The following PLGRKT variants were observed in gnomAD, a reference collection of about 807,000 sequenced individuals.
PLGRKT encodes plasminogen receptor (KT).
PLGRKT carries 22 observed loss-of-function variants against 18.5 expected under a neutral mutation model. That is an observed-to-expected ratio of 1.19 (90% confidence interval 0.85 to 1.70). The LOEUF is 1.70. PLGRKT is among the 40% of genes most tolerant of loss of function. The pLI is 0.00. For synonymous variants in PLGRKT, 72 were observed against 52.8 expected, an observed-to-expected ratio of 1.36 and a Z score of -1.58; for missense variants, 235 against 174.4, an observed-to-expected ratio of 1.35 and a Z score of -1.96.
chr9:5,428,614 C>G (rs1053370442), intron 3 of PLGRKT, among the ~76,000 whole-genome samples: 30 of 152,222 alleles, frequency 2.0e-4, no homozygotes, highest in African/African-American at 7.0e-4. Context: ...TCTCCCCTAG[C>G]TGGAGACAGC....
At chr9:5,398,033 C>G (rs1818086920) in intron 3 of PLGRKT, among the ~76,000 whole-genome samples, 2 of 151,936 alleles carry the variant, frequency 1.3e-5, no homozygotes, top group Admixed American at 1.3e-4. Context: ...ATGCATAGAG[C>G]AAAGCCTGAA....
intron 3 of PLGRKT, among the ~76,000 whole-genome samples, chr9:5,378,854 G>A (rs1251489039): frequency 6.6e-6 from 1 of 152,030 alleles, no homozygotes; most frequent in Non-Finnish European, 1.5e-5. Context: ...TAAGGATTAA[G>A]CAATTAAATC....
At chr9:5,364,580 T>C (rs1364166493) in intron 3 of PLGRKT, among the ~76,000 whole-genome samples, 1 of 152,166 alleles carries the variant, frequency 6.6e-6, no homozygotes, top group Non-Finnish European at 1.5e-5. Flanking sequence ...GTGCTACAAA[T>C]GTGTGGCACA....
chr9:5,393,706 T>C (rs1161716263), intron 3 of PLGRKT, among the ~76,000 whole-genome samples: 1 of 151,932 alleles, frequency 6.6e-6, no homozygotes, highest in Non-Finnish European at 1.5e-5. Context: ...CTGAGGTTTC[T>C]ATTTTTTTAA....
chr9:5,414,153 C>A (rs1818415572), intron 3 of PLGRKT, among the ~76,000 whole-genome samples: 1 of 152,026 alleles, frequency 6.6e-6, no homozygotes, highest in African/African-American at 2.4e-5. Flanking sequence ...AGAGGAAGAA[C>A]ATTTCTTGGA....
chr9:5,377,661 A>C (rs1817655995), intron 3 of PLGRKT, among the ~76,000 whole-genome samples: 1 of 152,218 alleles, frequency 6.6e-6, no homozygotes, highest in South Asian at 2.1e-4. Context: ...GACTCTAGGG[A>C]GGACTATTCT....
intron 3 of PLGRKT, among the ~76,000 whole-genome samples, chr9:5,410,255 G>T (rs1818336055): frequency 6.6e-6 from 1 of 152,044 alleles, no homozygotes; most frequent in Non-Finnish European, 1.5e-5. Context: ...AACAGAAGTG[G>T]GTGGGCACAG....
chr9:5,408,623 T>C (rs904271230), intron 3 of PLGRKT, among the ~76,000 whole-genome samples: 3 of 152,224 alleles, frequency 2.0e-5, no homozygotes, highest in Non-Finnish European at 4.4e-5. Flanking sequence ...GAAAAGCCCA[T>C]TTCTGGGTGA....
upstream of PLGRKT, chr9:5,437,948 C>T (rs1441189594): frequency 1.3e-5 from 2 of 152,272 alleles, no homozygotes; most frequent in African/African-American, 4.8e-5. Flanking sequence ...CAGCCCTCAG[C>T]TTCTTTAAAG....
chr9:5,436,368 T>G (rs1288619862), intron 2 of PLGRKT, among the ~76,000 whole-genome samples: 1 of 152,216 alleles, frequency 6.6e-6, no homozygotes, highest in East Asian at 1.9e-4. Context: ...GATGACTAAA[T>G]TTTTACACCT....
chr9:5,426,073 A>T (rs1197943986), intron 3 of PLGRKT, among the ~76,000 whole-genome samples: 1 of 152,230 alleles, frequency 6.6e-6, no homozygotes. Context: ...CTAAAAAGAC[A>T]ACATCTTCTA....
chr9:5,384,695 G>T (rs966849149), intron 3 of PLGRKT, among the ~76,000 whole-genome samples: 11 of 152,040 alleles, frequency 7.2e-5, no homozygotes, highest in African/African-American at 2.7e-4. Context: ...CTAAGGTCAT[G>T]ATAGGTTAAA....
At chr9:5,381,864 T>C in intron 3 of PLGRKT, 1 of 983,360 alleles carries the variant, frequency 1.0e-6, no homozygotes, top group Non-Finnish European at 1.2e-6. Flanking sequence ...CTAACATACC[T>C]TCCTCACAGA....
rs12000658 is a variant in PLGRKT, at chr9:5,394,693, G to A, written c.82-32805C>T. 1.2e-3 allele frequency among the ~76,000 whole-genome samples: 186 copies of A among 152,010 alleles called. 2 individuals carry two copies. Among genetic ancestry groups the A allele is most frequent in the African/African-American group, 3.9e-3 (163 of 41,272 alleles). ...CTCCCAAAGTGCTGGGATTACAGGC[G>A]TAAGCCACTGCGTGACAGGGAAGTT... On this transcript the variant is annotated intron_variant, in intron 3 of 5. Transcript: ENST00000223864.
intron 3 of PLGRKT, among the ~76,000 whole-genome samples, chr9:5,397,638 G>A (rs188821780): frequency 1.3e-5 from 2 of 150,180 alleles, no homozygotes; most frequent in Non-Finnish European, 2.9e-5. Context: ...GGGGAGAGAG[G>A]GAAGAAGGAA....
chr9:5,430,730 C>T (rs1021800392), intron 3 of PLGRKT, among the ~76,000 whole-genome samples: 11 of 152,210 alleles, frequency 7.2e-5, no homozygotes, highest in African/African-American at 2.7e-4. Flanking sequence ...AGCTACATGC[C>T]TTACCAGAGG....
At chr9:5,364,951 T>C (rs1038528374) in intron 3 of PLGRKT, among the ~76,000 whole-genome samples, 2 of 152,214 alleles carry the variant, frequency 1.3e-5, no homozygotes, top group African/African-American at 2.4e-5. Context: ...GATGAAATTA[T>C]AGATATGCAT....
At chr9:5,397,238 A>G (rs1304440916) in intron 3 of PLGRKT, among the ~76,000 whole-genome samples, 2 of 151,848 alleles carry the variant, frequency 1.3e-5, no homozygotes, top group Non-Finnish European at 2.9e-5. Flanking sequence ...TCCAGGTAAG[A>G]TCAAAGAAGT....
chr9:5,415,167 G>T (rs1395352610), intron 3 of PLGRKT, among the ~76,000 whole-genome samples: 1 of 152,012 alleles, frequency 6.6e-6, no homozygotes, highest in Non-Finnish European at 1.5e-5. Context: ...AAAAGAAGCA[G>T]GTACTCAAAA....
Sources: gnomAD v4.1 joint callset for allele counts (sites outside exome capture counted in the v4.1 genomes callset) on GRCh38, gnomAD v4.1.1 for gene constraint, MANE v1.5 for transcripts, NCBI Gene and HGNC (gene_info 2026-07-23, HGNC 2026-07-21) for gene names.